The following EP400 variants were observed in gnomAD, a reference collection of about 807,000 sequenced individuals.
EP400 encodes the protein E1A binding protein p400.
Under a neutral mutation model 354.1 loss-of-function variants are expected in EP400, and 105 were observed. The observed-to-expected ratio is 0.30, with a 90% CI of 0.25 to 0.35. EP400 has a LOEUF of 0.35. Ranked by LOEUF, EP400 falls within the 10% of genes least tolerant of loss-of-function variation. The pLI, the probability that EP400 is intolerant of heterozygous loss-of-function variation, is 1.00. For synonymous variants in EP400, 1,646 were observed against 1,716.9 expected, an observed-to-expected ratio of 0.96 and a Z score of 1.02; for missense variants, 3,280 against 4,121.0, an observed-to-expected ratio of 0.80 and a Z score of 5.59.
At chr12:132,045,659 T>C in intron 38 of EP400, 68 bp from the exon 39 acceptor site, 1 of 1,603,748 alleles carries the variant, frequency 6.2e-7, no homozygotes, top group Non-Finnish European at 8.5e-7. Context: ...CAGGGAGTCT[T>C]TGGCAAGAGG....
rs75707910 is a variant in EP400 at position 132,080,033 on chromosome 12, G to C, written c.*2360G>C. 352 of 152,290 alleles carry C rather than the reference G, an allele frequency of 2.3e-3. 2 individuals are homozygous for C. The highest frequency in any genetic ancestry group is 8.0e-3 in the African/African-American group (333 of 41,542). The allele number at this position is 152,290 out of a possible 1,614,324, so 9.4% of individuals were successfully genotyped here. ...TGTGAATCTGGGTTCATTCCAATAC[G>C]GCAAGTAAGAGTTGGAAACTTTGAG... is the stretch of plus-strand genomic sequence containing the variant. On this transcript the variant is annotated 3_prime_UTR_variant, in exon 53 of 53. Transcript: ENST00000389561.
intron 19 of EP400, among the ~76,000 whole-genome samples, chr12:132,016,578 G>T (rs1566188471): frequency 1.3e-5 from 2 of 151,998 alleles, no homozygotes; most frequent in African/African-American, 4.8e-5. Context: ...TACCATGTTG[G>T]CCAGGCTGGT....
At chr12:131,995,520 G>A (rs993404065) in intron 12 of EP400, among the ~76,000 whole-genome samples, 2 of 149,440 alleles carry the variant, frequency 1.3e-5, no homozygotes, top group Non-Finnish European at 3.0e-5. Flanking sequence ...TGAATGTACC[G>A]TTCATCTTGA....
rs538627454 is a variant in EP400 at position 131,960,678 on chromosome 12, G to T, written c.59G>T (p.Cys20Phe). The part of the protein sequence containing the change: ...VQHQLQRSRA[C>F]PGSEGEEQPA... ...CATCAGCTGCAGAGGTCCAGGGCCT[G>T]CCCTGGCAGCGAGGGTGAGGAGCAG... The change falls in exon 2 of 53, where the codon TGC becomes TTC. Residue 20 changes from cysteine to phenylalanine, a missense_variant. By Grantham distance (205) the Cys-to-Phe change is radical (BLOSUM62 -2). Transcript: ENST00000389561. 92 of 1,583,728 alleles carry T rather than the reference G, an allele frequency of 5.8e-5. 1 individual carries two copies. In the South Asian group the frequency reaches 1.0e-3, roughly 18 times the overall value.
intron 2 of EP400, among the ~76,000 whole-genome samples, chr12:131,967,384 A>AAAAT (rs889699314): frequency 1.5e-4 from 23 of 150,354 alleles, no homozygotes; most frequent in Middle Eastern, 3.6e-3. Context: ...CTGACTCAAA[A>AAAAT]AAATAAATAA....
chr12:131,954,522 G>A (rs910189114), intron 1 of EP400, among the ~76,000 whole-genome samples: 6 of 152,016 alleles, frequency 3.9e-5, no homozygotes, highest in Non-Finnish European at 7.4e-5. Flanking sequence ...GTTAGGAGTT[G>A]GAGACCAGTC....
intron 15 of EP400, 37 bp downstream of exon 15, chr12:132,006,914 G>T: frequency 6.2e-7 from 1 of 1,611,468 alleles, no homozygotes; most frequent in Non-Finnish European, 8.5e-7. Context: ...ATACCTATTT[G>T]CTAGGACTTA....
intron 29 of EP400, 130 bp from the exon 30 acceptor site, chr12:132,031,823 G>T: frequency 2.3e-6 from 2 of 874,194 alleles, no homozygotes; most frequent in Non-Finnish European, 3.5e-6. Context: ...CCAAAGTGCT[G>T]GGATTACAGG....
At position 132,050,987 on chromosome 12, in the gene EP400, T is replaced by C; in HGVS notation, c.7394+332T>C. 2.2e-6 allele frequency: 1 copy of C among 445,498 alleles called. No homozygotes were observed. The highest frequency in any genetic ancestry group is 4.3e-5 in the East Asian group (1 of 23,246). 27.6% of individuals were successfully genotyped at this position (445,498 alleles called of 1,614,324 possible). On this transcript the variant is annotated intron_variant, in intron 41 of 52. Transcript: ENST00000389561. This position sits in a 1 kb window ranked among gnomAD's most constrained non-coding sequence, Gnocchi z 4.8. ...TCACACCCCACCTCTCAGGCACTGA[T>C]TTTGTTCGCCATATCTTAAGAACAC... is the stretch of plus-strand genomic sequence containing the variant.
At chr12:131,952,454 C>CTTGTTT (rs919623133) in intron 1 of EP400, among the ~76,000 whole-genome samples, 4 of 151,772 alleles carry the variant, frequency 2.6e-5, no homozygotes, top group East Asian at 1.9e-4. Flanking sequence ...GCCCCAATAG[C>CTTGTTT]TTGTTTTTGT....
chr12:132,036,632 A>AGGTG (rs1295145513), intron 30 of EP400, among the ~76,000 whole-genome samples: 1 of 152,286 alleles, frequency 6.6e-6, no homozygotes, highest in Non-Finnish European at 1.5e-5. Context: ...TTGTGAACCA[A>AGGTG]GGTGGGTGGA....
intron 2 of EP400, among the ~76,000 whole-genome samples, chr12:131,975,997 C>T (rs535152766): frequency 3.3e-5 from 5 of 152,238 alleles, no homozygotes; most frequent in South Asian, 2.1e-4. Context: ...CACCATGCCC[C>T]GACTGATTTT....
At chr12:132,000,855 A>G (rs1893384874) in intron 12 of EP400, among the ~76,000 whole-genome samples, 1 of 152,246 alleles carries the variant, frequency 6.6e-6, no homozygotes, top group Admixed American at 6.5e-5. Flanking sequence ...AAATTTTAAA[A>G]TTATCTCTTG....
intron 12 of EP400, among the ~76,000 whole-genome samples, chr12:131,996,654 A>C (rs1169009857): frequency 1.3e-5 from 2 of 152,152 alleles, no homozygotes; most frequent in Admixed American, 6.5e-5. Flanking sequence ...GCCATTCTTT[A>C]ATTGCTGTAA....
At chr12:132,051,971 A>G (rs1039526662) in intron 41 of EP400, among the ~76,000 whole-genome samples, 7 of 152,184 alleles carry the variant, frequency 4.6e-5, no homozygotes, top group Non-Finnish European at 8.8e-5. Context: ...GTCCGGGCAT[A>G]ACAGAAGGCT....
chr12:132,071,565 T>C (rs934811641), intron 51 of EP400, among the ~76,000 whole-genome samples: 1 of 152,204 alleles, frequency 6.6e-6, no homozygotes, highest in Admixed American at 6.5e-5. Flanking sequence ...AGCAGCCGCT[T>C]CCTGTTGCTA....
intron 45 of EP400, among the ~76,000 whole-genome samples, chr12:132,059,992 C>T (rs1895637838): frequency 1.3e-5 from 2 of 151,662 alleles, no homozygotes; most frequent in Non-Finnish European, 2.9e-5. Flanking sequence ...CATTGCTCTC[C>T]AGCCTGGGTG....
chr12:131,963,582 A>G (rs1367206074), intron 2 of EP400: 1 of 1,598,490 alleles, frequency 6.3e-7, no homozygotes, highest in South Asian at 1.1e-5. Flanking sequence ...CCGTTGCTAT[A>G]GCAACCCAGC....
chr12:132,025,818 A>C lies in EP400; in HGVS notation c.5014+14A>C. The C allele has an allele frequency of 6.4e-7, 1 of 1,565,042 alleles. No individual in the cohort carries two copies. The highest frequency in any genetic ancestry group is 8.6e-7 in the Non-Finnish European group (1 of 1,158,568). ...TGACCCCACAAGGTAGGGTGCTCTG[A>C]GCAGGAGGGAGACTTGGCTTGGATG... is the stretch of plus-strand genomic sequence containing the variant. On this transcript the variant is annotated intron_variant, in intron 25 of 52. Transcript: ENST00000389561. The surrounding 1 kb of genome is among the most constrained non-coding windows in gnomAD (Gnocchi z 4.1).
Sources: allele counts gnomAD v4.1 joint callset (sites outside exome capture counted in the v4.1 genomes callset), GRCh38; gene constraint gnomAD v4.1.1; non-coding constraint Gnocchi (gnomAD v3.1); transcripts MANE v1.5; gene names NCBI Gene and HGNC (gene_info 2026-07-23, HGNC 2026-07-21).